The following PPP1R12B variants were observed in gnomAD, a reference collection of about 807,000 sequenced individuals.
PPP1R12B encodes the protein myosin phosphatase target subunit 2.
A neutral mutation model predicts 126.1 loss-of-function variants in PPP1R12B; 76 were observed. That is an observed-to-expected ratio of 0.60 (90% CI 0.50 to 0.73). PPP1R12B has a LOEUF of 0.73. Among genes scored for constraint, PPP1R12B ranks in the 30% least tolerant of loss-of-function variants. The pLI is 0.00. For synonymous variants in PPP1R12B, 356 were observed against 434.7 expected (o/e 0.82, Z 2.25); for missense variants, 1,052 against 1,205.1 (o/e 0.87, Z 1.88).
intron 18 of PPP1R12B, among the ~76,000 whole-genome samples, chr1:202,548,808 C>CTATATATATATATATA (rs370219273): frequency 1.4e-5 from 1 of 72,970 alleles, no homozygotes. Flanking sequence ...CTCTCTCTCT[C>CTATATATATATATATA]TATATATATA....
chr1:202,547,258 T>C (rs1299260341), intron 18 of PPP1R12B, among the ~76,000 whole-genome samples: 1 of 152,230 alleles, frequency 6.6e-6, no homozygotes, highest in Admixed American at 6.5e-5. Context: ...AATTTATTAC[T>C]GTAAGAAGAC....
rs1689562573 is a variant in PPP1R12B at position 202,581,797 on chromosome 1, G to A, written c.*1237G>A. 1 of 152,208 alleles carries A rather than the reference G, an allele frequency of 6.6e-6. No individual in the cohort carries two copies. The highest frequency in any genetic ancestry group is 6.5e-5 in the Admixed American group (1 of 15,282). 9.4% of individuals were successfully genotyped at this position (152,208 alleles called of 1,614,324 possible). A position where few individuals can be genotyped will look rare whatever the true frequency, so the allele number is the denominator to read the frequency against. The stretch of plus-strand genomic sequence containing the variant: ...TGATTATTTCCAGTGGTTAGATTTA[G>A]CAGAGAGATTTACTTTCTTAGAAAT... On this transcript the variant is annotated 3_prime_UTR_variant, in exon 24 of 24. Transcript: ENST00000608999.
intron 18 of PPP1R12B, among the ~76,000 whole-genome samples, chr1:202,548,665 T>C (rs934552130): frequency 8.6e-5 from 13 of 151,594 alleles, no homozygotes; most frequent in Non-Finnish European, 1.8e-4. Context: ...GGTGTGGTGG[T>C]GCATGCCTGT....
At chr1:202,356,336 AAG>A (rs764667095) in intron 1 of PPP1R12B, among the ~76,000 whole-genome samples, 3 of 152,136 alleles carry the variant, frequency 2.0e-5, no homozygotes, top group Non-Finnish European at 2.9e-5. Flanking sequence ...ATGAGTGTGA[AAG>A]AGGAAAGGGA....
chr1:202,448,589 T>C (rs1458720819), intron 12 of PPP1R12B: 3 of 175,826 alleles, frequency 1.7e-5, no homozygotes, highest in Admixed American at 5.5e-5. Flanking sequence ...GAGACTAATA[T>C]TGTAAGTGAC....
chr1:202,433,609 C>A (rs550218300), intron 8 of PPP1R12B, among the ~76,000 whole-genome samples: 90 of 152,318 alleles, frequency 5.9e-4, no homozygotes, highest in African/African-American at 2.0e-3. Flanking sequence ...TTCCTCAAAC[C>A]TGCCCTGAGC....
intron 13 of PPP1R12B, among the ~76,000 whole-genome samples, chr1:202,460,036 T>TC (rs1674122487): frequency 6.6e-6 from 1 of 152,226 alleles, no homozygotes; most frequent in Non-Finnish European, 1.5e-5. Flanking sequence ...TTTCCAAAGC[T>TC]CCAAGTTTTC....
intron 18 of PPP1R12B, among the ~76,000 whole-genome samples, chr1:202,513,166 G>A (rs1333287464): frequency 6.6e-6 from 1 of 152,138 alleles, no homozygotes; most frequent in Non-Finnish European, 1.5e-5. Context: ...TAGAGATGGT[G>A]TTTCACCATG....
At chr1:202,531,929 G>A (rs1052153172) in intron 18 of PPP1R12B, among the ~76,000 whole-genome samples, 2 of 152,228 alleles carry the variant, frequency 1.3e-5, no homozygotes, top group African/African-American at 4.8e-5. Context: ...TTCAGGGCAA[G>A]TCCATACAGT....
chr1:202,470,949 A>G lies in PPP1R12B; in HGVS notation c.1851-17584A>G, dbSNP rs545937871. On this transcript the variant is annotated intron_variant, in intron 13 of 23. Transcript: ENST00000608999. ...AACAAAAAGTTACCAAATATCACAA[A>G]CACCCAATCTCTCCATCTTCTGGTC... Among the ~76,000 whole-genome samples, 19 of 151,920 alleles carry G rather than the reference A, an allele frequency of 1.3e-4. No homozygotes were observed. The East Asian group carries it at 3.5e-3, about 28-fold the overall frequency.
intron 18 of PPP1R12B, among the ~76,000 whole-genome samples, chr1:202,535,055 ATGTGTGTGTG>A (rs145949486): frequency 1.4e-5 from 2 of 146,080 alleles, no homozygotes; most frequent in Non-Finnish European, 3.1e-5. Context: ...GTGTGTGTGT[ATGTGTGTGTG>A]TGTGTGTGTG....
At chr1:202,574,598 C>T (rs1398472323) in intron 23 of PPP1R12B, among the ~76,000 whole-genome samples, 1 of 152,170 alleles carries the variant, frequency 6.6e-6, no homozygotes. Flanking sequence ...TAAGAACACA[C>T]CAAGTCCTCA....
intron 13 of PPP1R12B, among the ~76,000 whole-genome samples, chr1:202,480,007 A>T (rs1677152218): frequency 6.6e-6 from 1 of 152,246 alleles, no homozygotes; most frequent in African/African-American, 2.4e-5. Context: ...ATGTTATTTT[A>T]AAAATTAGCA....
chr1:202,431,413 A>G (rs1670167307), intron 7 of PPP1R12B, 67 bp from the exon 8 acceptor site: 2 of 1,347,464 alleles, frequency 1.5e-6, no homozygotes, highest in Admixed American at 4.7e-5. Context: ...AGGTTTATAG[A>G]CTTGTTCCCT....
At chr1:202,439,772 T>G in intron 10 of PPP1R12B, 1 of 487,938 alleles carries the variant, frequency 2.0e-6, no homozygotes, top group Non-Finnish European at 3.8e-6. Context: ...GGGGACCTCA[T>G]TCCTTCAGAC....
Position 202,419,767 on chromosome 1 carries a change from C to T in PPP1R12B, c.422+2850C>T, listed in dbSNP as rs192683431. ...GGCGATGATAGTAATGAGGAAGACC[C>T]AGTTGTTGCTATTAACCAAAAACTA... On this transcript the variant is annotated intron_variant, in intron 2 of 23. Coordinates refer to ENST00000608999, the MANE Select transcript of PPP1R12B (RefSeq NM_002481.4). The surrounding 1 kb of genome is among the most constrained non-coding windows in gnomAD (Gnocchi z 4.6). 2.4e-4 allele frequency among the ~76,000 whole-genome samples: 36 copies of T among 152,244 alleles called. No homozygotes were observed. In the East Asian group the frequency reaches 6.0e-3, roughly 25 times the overall value.
chr1:202,496,014 T>TC (rs1679515515), intron 17 of PPP1R12B, among the ~76,000 whole-genome samples: 1 of 152,192 alleles, frequency 6.6e-6, no homozygotes, highest in Admixed American at 6.5e-5. Context: ...TTCCTAATAT[T>TC]CCCTGAATGT....
intron 13 of PPP1R12B, among the ~76,000 whole-genome samples, chr1:202,470,636 A>C (rs1428198246): frequency 6.6e-6 from 1 of 152,142 alleles, no homozygotes; most frequent in Non-Finnish European, 1.5e-5. Flanking sequence ...GCTTATGCCT[A>C]TAATACTAGC....
chr1:202,495,196 C>A (rs1679391123), intron 15 of PPP1R12B, 97 bp from the exon 16 acceptor site: 10 of 1,040,612 alleles, frequency 9.6e-6, no homozygotes, highest in Non-Finnish European at 1.2e-5. Flanking sequence ...TACTCATAAG[C>A]CCCTTAATAT....
Sources: allele counts gnomAD v4.1 joint callset (sites outside exome capture counted in the v4.1 genomes callset), GRCh38; gene constraint gnomAD v4.1.1; non-coding constraint Gnocchi (gnomAD v3.1); transcripts MANE v1.5; gene names NCBI Gene and HGNC (gene_info 2026-07-23, HGNC 2026-07-21).